Variants in TBC1D16 observed in about 807,000 individuals in gnomAD.
The protein encoded by TBC1D16 is CTD-2529O21.1.
In TBC1D16, 58 loss-of-function variants were observed where a neutral mutation model predicts 74.7. That is an observed-to-expected ratio of 0.78 (90% CI 0.63 to 0.97). The LOEUF (loss-of-function observed/expected upper bound fraction) is 0.97, where lower values mean the gene tolerates loss of function less well. TBC1D16 is among the 50% of genes least tolerant of loss of function. The pLI is 0.00. For synonymous variants in TBC1D16, 493 were observed against 474.7 expected (o/e 1.04, Z -0.50); for missense variants, 1,014 against 1,079.5 (o/e 0.94, Z 0.85).
intron 2 of TBC1D16, among the ~76,000 whole-genome samples, chr17:80,011,290 G>A (rs932389698): frequency 5.4e-5 from 8 of 148,020 alleles, no homozygotes; most frequent in South Asian, 2.1e-4. Flanking sequence ...CAAGCGAACC[G>A]CCCACCTCAG....
chr17:80,032,063 G>A (rs2036793442), intron 1 of TBC1D16, among the ~76,000 whole-genome samples: 1 of 152,238 alleles, frequency 6.6e-6, no homozygotes, highest in African/African-American at 2.4e-5. Flanking sequence ...CCCACTTCCA[G>A]AAGGCTAGAG....
Position 79,985,235 on chromosome 17 carries a change from C to T in TBC1D16, c.779+24925G>A, listed in dbSNP as rs1358651799. On this transcript the variant is annotated intron_variant, in intron 3 of 11. Transcript: ENST00000310924. This position sits in a 1 kb window ranked among gnomAD's most constrained non-coding sequence, Gnocchi z 4.9. ...CCTGCCCCTCCTGTGTCTGTGTGTC[C>T]GTCCGTGTCTTTTAAAGACATCCGT... Among the ~76,000 whole-genome samples the T allele has an allele frequency of 6.6e-6, 1 of 152,052 alleles. No homozygotes were observed. Among genetic ancestry groups the T allele is most frequent in the Non-Finnish European group, 1.5e-5 (1 of 68,002 alleles).
rs1254233437 is a variant in TBC1D16 at position 80,010,645 on chromosome 17, G to A, written c.294C>T (p.Ile98=). ...TGCGAACGGGGGAGCTCTCGGGTGT[G>A]ATGTAGCGCAGGGCCTCCTCGTCCT... is the stretch of plus-strand genomic sequence containing the variant. ...QRQDEEALRY[I]TPESSPVRKA... Residue 98 remains isoleucine, a synonymous_variant, in exon 3 of 12, where the codon ATC becomes ATT. Transcript: ENST00000310924. The surrounding 1 kb of genome is among the most constrained non-coding windows in gnomAD (Gnocchi z 8.8). The A allele has an allele frequency of 5.8e-6, 9 of 1,563,130 alleles. No individual in the cohort carries two copies. The Admixed American group carries it at 1.8e-4, about 31-fold the overall frequency.
chr17:79,998,785 C>G (rs1598407008), intron 3 of TBC1D16, among the ~76,000 whole-genome samples: 2 of 152,286 alleles, frequency 1.3e-5, no homozygotes, highest in African/African-American at 4.8e-5. Flanking sequence ...CCCACCACCA[C>G]AGGGTATCCT....
chr17:80,017,675 C>A (rs1239572195), intron 1 of TBC1D16, among the ~76,000 whole-genome samples: 1 of 109,506 alleles, frequency 9.1e-6, no homozygotes, highest in East Asian at 2.4e-4. Context: ...AGCAAGACTC[C>A]ATCTCAAAAA....
chr17:80,010,444 C>A lies in TBC1D16; in HGVS notation c.495G>T (p.Ala165=), dbSNP rs201292338. The A allele has an allele frequency of 1.9e-5, 30 of 1,608,938 alleles. No homozygotes were observed. The highest frequency in any genetic ancestry group is 2.5e-5 in the Non-Finnish European group (30 of 1,178,020). ...SPAPEDEEKL[A]QGLGVDGAQP... is the part of the protein sequence containing the mutation. ...GGGCACCATCCACCCCCAAGCCCTG[C>A]GCCAGCTTCTCCTCATCCTCTGGCG... The change falls in exon 3 of 12, where the codon GCG becomes GCT. Residue 165 remains alanine (A), a synonymous_variant. Transcript: ENST00000310924. The surrounding 1 kb of genome is among the most constrained non-coding windows in gnomAD (Gnocchi z 8.8).
rs1449372961 is a variant in TBC1D16 at position 79,971,048 on chromosome 17, A to T, written c.780-18230T>A. ...TATTTTTTATTTTTTTTTGAGATGGAGTCTGTCTCCATTGCCCAGGCTGGA... is the reference window on the plus strand; with the variant it reads ...TATTTTTTATTTTTTTTTGAGATGGTGTCTGTCTCCATTGCCCAGGCTGGA... On this transcript the variant is annotated intron_variant, in intron 3 of 11. Transcript: ENST00000310924. This position sits in a 1 kb window ranked among gnomAD's most constrained non-coding sequence, Gnocchi z 4.6. 6.7e-6 allele frequency among the ~76,000 whole-genome samples: 1 copy of T among 150,034 alleles called. No homozygotes were observed. Among genetic ancestry groups the T allele is most frequent in the African/African-American group, 2.5e-5 (1 of 40,672 alleles).
At chr17:79,948,840 G>C in intron 8 of TBC1D16, 32 bp downstream of exon 8, 1 of 1,613,720 alleles carries the variant, frequency 6.2e-7, no homozygotes, top group Non-Finnish European at 8.5e-7. Flanking sequence ...CAGACTTGCA[G>C]ATGGGAAAGG....
chr17:79,947,663 C>T lies in TBC1D16; in HGVS notation c.1710G>A (p.Glu570=), dbSNP rs1453989272. The change falls in exon 9 of 12, where the codon GAG becomes GAA. Residue 570 remains glutamate, a synonymous_variant. Transcript: ENST00000310924. ...NTIFVSSPRD[E]DMEKQLLYLR... Reference sequence around the variant, plus strand: ...GCCTCACCAGTTGTTTCTCCATGTCCTCGTCCCGGGGTGAGCTGACGAAGA... The same window carrying T: ...GCCTCACCAGTTGTTTCTCCATGTCTTCGTCCCGGGGTGAGCTGACGAAGA... The T allele has an allele frequency of 6.2e-7, 1 of 1,614,122 alleles. No individual in the cohort carries two copies. Among genetic ancestry groups the T allele is most frequent in the Non-Finnish European group, 8.5e-7 (1 of 1,180,006 alleles).
intron 1 of TBC1D16, among the ~76,000 whole-genome samples, chr17:80,025,641 C>A (rs947988136): frequency 1.4e-5 from 2 of 144,770 alleles, no homozygotes; most frequent in Admixed American, 1.3e-4. Context: ...CCCACCCCCA[C>A]CCAGGAGCAC....
intron 2 of TBC1D16, among the ~76,000 whole-genome samples, chr17:80,012,521 A>G (rs2035932879): frequency 6.6e-6 from 1 of 152,176 alleles, no homozygotes; most frequent in African/African-American, 2.4e-5. Context: ...TTATTTATTC[A>G]GTATTCGATT....
At chr17:80,003,687 G>A (rs997818818) in intron 3 of TBC1D16, among the ~76,000 whole-genome samples, 3 of 151,082 alleles carry the variant, frequency 2.0e-5, no homozygotes, top group South Asian at 2.1e-4. Flanking sequence ...AGGCTAACAC[G>A]TGGGCACACC....
chr17:79,995,537 G>A (rs1313551036), intron 3 of TBC1D16, among the ~76,000 whole-genome samples: 1 of 150,900 alleles, frequency 6.6e-6, no homozygotes, highest in African/African-American at 2.4e-5. Flanking sequence ...TGTAATCCCA[G>A]CACTTTGGGA....
chr17:80,024,167 C>G (rs1310458033), intron 1 of TBC1D16, among the ~76,000 whole-genome samples: 2 of 150,230 alleles, frequency 1.3e-5, no homozygotes, highest in Non-Finnish European at 2.9e-5. Context: ...CAACCAGAGG[C>G]CCCACTTCAG....
At chr17:80,002,007 G>C (rs1274190254) in intron 3 of TBC1D16, among the ~76,000 whole-genome samples, 3 of 152,184 alleles carry the variant, frequency 2.0e-5, no homozygotes, top group Non-Finnish European at 4.4e-5. Context: ...CCCACCTCCA[G>C]GAGTTTCTAA....
At chr17:80,022,067 C>T (rs1384702724) in intron 1 of TBC1D16, among the ~76,000 whole-genome samples, 1 of 149,758 alleles carries the variant, frequency 6.7e-6, no homozygotes, top group Non-Finnish European at 1.5e-5. Flanking sequence ...TACTTTTATA[C>T]TTAATATAAT....
Position 80,010,920 on chromosome 17 carries a change from T to G in TBC1D16, c.182-163A>C, listed in dbSNP as rs919862626. Among the ~76,000 whole-genome samples the G allele has an allele frequency of 2.6e-5, 4 of 152,198 alleles. No homozygotes were observed. Among genetic ancestry groups the G allele is most frequent in the African/African-American group, 9.6e-5 (4 of 41,456 alleles). Reference sequence around the variant, plus strand: ...CTGAGCAAAAACACTAGAGGGAAACTGTGGAGCTTGAAATGAATTCCAGCT... The same window carrying G: ...CTGAGCAAAAACACTAGAGGGAAACGGTGGAGCTTGAAATGAATTCCAGCT... On this transcript the variant is annotated intron_variant, in intron 2 of 11. Transcript: ENST00000310924. This position sits in a 1 kb window ranked among gnomAD's most constrained non-coding sequence, Gnocchi z 8.8.
rs1023891668 is a variant in TBC1D16, at chr17:79,985,670, A to G, written c.779+24490T>C. Reference sequence around the variant, plus strand: ...ATTGATCTCCATTTGCTTTTCAAACATGCAATTCTCATAAACTGTGCTAAA... The same window carrying G: ...ATTGATCTCCATTTGCTTTTCAAACGTGCAATTCTCATAAACTGTGCTAAA... On this transcript the variant is annotated intron_variant, in intron 3 of 11. Coordinates refer to ENST00000310924, the MANE Select transcript of TBC1D16 (RefSeq NM_019020.4). This position sits in a 1 kb window ranked among gnomAD's most constrained non-coding sequence, Gnocchi z 4.9. Among the ~76,000 whole-genome samples, 22 of 152,220 alleles carry G rather than the reference A, an allele frequency of 1.4e-4. No homozygotes were observed. The highest frequency in any genetic ancestry group is 2.8e-4 in the Non-Finnish European group (19 of 68,042).
intron 1 of TBC1D16, among the ~76,000 whole-genome samples, chr17:80,025,354 G>C (rs1054161711): frequency 1.3e-5 from 2 of 149,774 alleles, no homozygotes; most frequent in East Asian, 3.9e-4. Flanking sequence ...ATCCGGGGCC[G>C]CAGGAGCCTC....
Sources: allele counts gnomAD v4.1 joint callset (sites outside exome capture counted in the v4.1 genomes callset), GRCh38; gene constraint gnomAD v4.1.1; non-coding constraint Gnocchi (gnomAD v3.1); transcripts MANE v1.5; gene names NCBI Gene and HGNC (gene_info 2026-07-23, HGNC 2026-07-21).